The following ANKFN1 variants were observed in gnomAD, a reference collection of about 807,000 sequenced individuals.
The protein encoded by ANKFN1 is ankyrin repeat and fibronectin type III domain containing 1.
ANKFN1 carries 74 observed loss-of-function variants against 108.7 expected under a neutral mutation model. That is an observed-to-expected ratio of 0.68 (90% CI 0.56 to 0.83). The LOEUF (loss-of-function observed/expected upper bound fraction) is 0.83. ANKFN1 is among the 40% of genes least tolerant of loss of function. The pLI is 0.00. For missense variants in ANKFN1, 1,505 were observed against 1,382.3 expected, an observed-to-expected ratio of 1.09 and a Z score of -1.41; for synonymous variants, 547 against 516.2, an observed-to-expected ratio of 1.06 and a Z score of -0.81.
At chr17:56,332,249 G>A (rs1454836872) in intron 4 of ANKFN1, among the ~76,000 whole-genome samples, 3 of 152,062 alleles carry the variant, frequency 2.0e-5, no homozygotes, top group Non-Finnish European at 4.4e-5. Flanking sequence ...GGCGGCAATC[G>A]AGGCTCTCTG....
chr17:56,406,570 CCT>C (rs973724472), intron 8 of ANKFN1, among the ~76,000 whole-genome samples: 13 of 152,046 alleles, frequency 8.6e-5, no homozygotes, highest in African/African-American at 3.1e-4. Context: ...AACCATAAAC[CCT>C]CTCTCTTTCA....
In ANKFN1 at chr17:56,095,318, G is replaced by T. The variant is rs903683955; in HGVS notation, c.288+48993G>T. ...CTTTTTTTTTTTTTTCTGATACGTGGTCTTATTCAGGGTCTCAGGCTAAAG... is the reference window on the plus strand; with the variant it reads ...CTTTTTTTTTTTTTTCTGATACGTGTTCTTATTCAGGGTCTCAGGCTAAAG... On this transcript the variant is annotated intron_variant, in intron 4 of 12. Coordinates refer to the ANKFN1 transcript ENST00000635860. Among the ~76,000 whole-genome samples the T allele has an allele frequency of 7.4e-5, 11 of 148,832 alleles. 1 individual carries two copies. The highest frequency in any genetic ancestry group is 1.3e-4 in the Non-Finnish European group (9 of 67,182).
chr17:56,250,805 T>G lies in ANKFN1; in HGVS notation c.53+22848T>G, dbSNP rs149207034. 1.3e-3 allele frequency among the ~76,000 whole-genome samples: 203 copies of G among 152,314 alleles called. 6 individuals carry two copies. The highest frequency in any genetic ancestry group is 0.01 in the Middle Eastern group (3 of 294). ...CTGAAGCTTTATTACTTTTTAACAATTTGGACAATTTTTCCCATGCAGGAA... is the reference window on the plus strand; with the variant it reads ...CTGAAGCTTTATTACTTTTTAACAAGTTGGACAATTTTTCCCATGCAGGAA... On this transcript the variant is annotated intron_variant, in intron 3 of 20. Transcript: ENST00000682825.
At chr17:56,328,140 A>G (rs1483528312) in intron 4 of ANKFN1, among the ~76,000 whole-genome samples, 2 of 152,230 alleles carry the variant, frequency 1.3e-5, no homozygotes, top group East Asian at 3.8e-4. Context: ...CGACCCCAAG[A>G]TCCCAAAGAT....
At chr17:56,406,385 A>G (rs540238297) in intron 8 of ANKFN1, among the ~76,000 whole-genome samples, 54 of 152,196 alleles carry the variant, frequency 3.5e-4, no homozygotes, top group Non-Finnish European at 6.8e-4. Flanking sequence ...AAATATCTCC[A>G]TGGCTATCAT....
intron 5 of ANKFN1, 143 bp downstream of exon 5, chr17:56,351,110 G>A (rs867941355): frequency 1.7e-5 from 13 of 749,578 alleles, no homozygotes; most frequent in African/African-American, 5.3e-5. Context: ...AGGTAGGGTA[G>A]TAACTGTACA....
intron 3 of ANKFN1, among the ~76,000 whole-genome samples, chr17:56,236,866 G>A (rs932386978): frequency 6.6e-6 from 1 of 152,136 alleles, no homozygotes; most frequent in Non-Finnish European, 1.5e-5. Flanking sequence ...CAAGGGAAAT[G>A]CTTCCAGCTT....
At chr17:56,365,969 C>T (rs1292446259) in intron 6 of ANKFN1, among the ~76,000 whole-genome samples, 1 of 152,086 alleles carries the variant, frequency 6.6e-6, no homozygotes, top group African/African-American at 2.4e-5. Flanking sequence ...GCCTCAGGTC[C>T]TTCAGGAGGT....
At chr17:56,284,068 G>A (rs928876948) in intron 3 of ANKFN1, among the ~76,000 whole-genome samples, 2 of 152,148 alleles carry the variant, frequency 1.3e-5, no homozygotes, top group African/African-American at 4.8e-5. Context: ...TAAATGCTCT[G>A]TATGCTGGTA....
chr17:56,373,024 T>C (rs2046852955), intron 7 of ANKFN1, among the ~76,000 whole-genome samples, 184 bp downstream of exon 7: 1 of 152,180 alleles, frequency 6.6e-6, no homozygotes, highest in Admixed American at 6.5e-5. Context: ...AGTTTCTGGC[T>C]CCTGATGGGT....
At chr17:56,480,624 G>A in intron 16 of ANKFN1, 44 bp from the exon 17 acceptor site, 1 of 1,603,076 alleles carries the variant, frequency 6.2e-7, no homozygotes, top group Admixed American at 1.7e-5. Flanking sequence ...GCTGTGTTCT[G>A]AACTTTTGTT....
chr17:56,115,542 A>G (rs1316172199), intron 4 of ANKFN1, among the ~76,000 whole-genome samples: 1 of 152,194 alleles, frequency 6.6e-6, no homozygotes, highest in African/African-American at 2.4e-5. Flanking sequence ...CATGCAGAAA[A>G]CAAACAAAAC....
At chr17:56,115,454 C>T (rs1214302622) in intron 4 of ANKFN1, among the ~76,000 whole-genome samples, 2 of 152,084 alleles carry the variant, frequency 1.3e-5, no homozygotes, top group African/African-American at 4.8e-5. Flanking sequence ...AATTGTTACT[C>T]TCACACAATG....
intron 1 of ANKFN1, among the ~76,000 whole-genome samples, chr17:56,204,668 G>A (rs1017322690): frequency 6.6e-6 from 1 of 152,054 alleles, no homozygotes; most frequent in Admixed American, 6.5e-5. Flanking sequence ...CATACATTAC[G>A]GATTGGAAAC....
chr17:56,107,923 A>C (rs930934977), intron 4 of ANKFN1, among the ~76,000 whole-genome samples: 10 of 152,136 alleles, frequency 6.6e-5, no homozygotes, highest in African/African-American at 2.4e-4. Flanking sequence ...GTGCAATGGC[A>C]CAATCTCAGC....
chr17:56,390,452 G>A (rs1248692326), intron 8 of ANKFN1, among the ~76,000 whole-genome samples: 1 of 152,124 alleles, frequency 6.6e-6, no homozygotes, highest in African/African-American at 2.4e-5. Flanking sequence ...TATCATTGAT[G>A]GGCATTTGGG....
intron 2 of ANKFN1, among the ~76,000 whole-genome samples, chr17:56,225,490 G>A (rs1377245448): frequency 2.0e-5 from 3 of 152,120 alleles, no homozygotes; most frequent in South Asian, 2.1e-4. Flanking sequence ...ATATTGTGAT[G>A]TGATCCCTCT....
At chr17:56,286,108 T>C (rs1420079243) in intron 3 of ANKFN1, among the ~76,000 whole-genome samples, 1 of 152,178 alleles carries the variant, frequency 6.6e-6, no homozygotes, top group East Asian at 1.9e-4. Context: ...CTGCAGCTGG[T>C]CCATCCTTCA....
intron 2 of ANKFN1, among the ~76,000 whole-genome samples, chr17:56,216,519 A>G (rs1915435167): frequency 6.6e-6 from 1 of 152,234 alleles, no homozygotes. Context: ...TCAGTCAAAC[A>G]GCTCTTACTC....
Sources: allele counts gnomAD v4.1 joint callset (sites outside exome capture counted in the v4.1 genomes callset), GRCh38; gene constraint gnomAD v4.1.1; transcripts MANE v1.5; gene names NCBI Gene and HGNC (gene_info 2026-07-23, HGNC 2026-07-21).